The following CCDC93 variants were observed in gnomAD, a reference collection of about 807,000 sequenced individuals.
The protein encoded by CCDC93 is coiled-coil domain-containing protein 93.
A neutral mutation model predicts 108.2 loss-of-function variants in CCDC93; 61 were observed. That is an observed-to-expected ratio of 0.56 (90% CI 0.46 to 0.70). The LOEUF is 0.70. Among genes scored for constraint, CCDC93 ranks in the 30% least tolerant of loss-of-function variants. CCDC93 has a pLI of 0.00. For synonymous variants in CCDC93, 276 were observed against 260.4 expected (o/e 1.06, Z -0.58); for missense variants, 685 against 764.2 (o/e 0.90, Z 1.22).
chr2:118,003,595 C>CA (rs1676776804), intron 3 of CCDC93, among the ~76,000 whole-genome samples: 1 of 152,118 alleles, frequency 6.6e-6, no homozygotes. Flanking sequence ...AGCTTAAAAA[C>CA]AAGAGGCTGG....
chr2:117,984,776 C>T (rs924025387), intron 7 of CCDC93, among the ~76,000 whole-genome samples: 2 of 152,152 alleles, frequency 1.3e-5, no homozygotes, highest in Non-Finnish European at 2.9e-5. Flanking sequence ...CAGAGCTGTG[C>T]AGCCTCACCT....
At position 117,917,335 on chromosome 2, in the gene CCDC93, TGA is replaced by T. The variant is rs2104687686; in HGVS notation, c.*3006_*3007del. 1 of 152,794 alleles carries T rather than the reference TGA, an allele frequency of 6.5e-6. No homozygotes were observed. Among genetic ancestry groups the T allele is most frequent in the South Asian group, 2.1e-4 (1 of 4,818 alleles). The allele number at this position is 152,794 out of a possible 1,614,324, so 9.5% of individuals were successfully genotyped here. ...CTGAGGTCCCGGGCATGGCACTTTGTGAGGTAGTAAAAGGACTGTCTGAAGGT... is the reference window on the plus strand; with the variant it reads ...CTGAGGTCCCGGGCATGGCACTTTGTGGTAGTAAAAGGACTGTCTGAAGGT... On this transcript the variant is annotated 3_prime_UTR_variant, in exon 24 of 24. Coordinates refer to ENST00000376300, the MANE Select transcript of CCDC93 (RefSeq NM_019044.5).
chr2:117,985,419 T>C, intron 7 of CCDC93: 1 of 963,566 alleles, frequency 1.0e-6, no homozygotes, highest in Non-Finnish European at 1.2e-6. Context: ...GAGAAGAGAA[T>C]GCGTGACATA....
intron 6 of CCDC93, among the ~76,000 whole-genome samples, chr2:117,987,241 T>C (rs1485200358): frequency 6.6e-6 from 1 of 152,154 alleles, no homozygotes; most frequent in Non-Finnish European, 1.5e-5. Context: ...GCACATACCA[T>C]CAACCTTACT....
At chr2:117,976,921 G>A (rs935803811) in intron 8 of CCDC93, among the ~76,000 whole-genome samples, 4 of 144,838 alleles carry the variant, frequency 2.8e-5, no homozygotes, top group African/African-American at 7.7e-5. Context: ...ATGAAAAGAG[G>A]TTAATAACCA....
intron 8 of CCDC93, among the ~76,000 whole-genome samples, chr2:117,976,135 T>C (rs1158106519): frequency 1.3e-5 from 2 of 152,246 alleles, no homozygotes. Flanking sequence ...AACGAGTCTA[T>C]CACTGCCCAT....
At chr2:117,935,890 T>C (rs1678505536) in intron 21 of CCDC93, 1 of 231,910 alleles carries the variant, frequency 4.3e-6, no homozygotes, top group African/African-American at 2.2e-5. Context: ...AAAAACATTA[T>C]TTATTTGAAA....
At chr2:117,962,643 A>C (rs1331639224) in intron 11 of CCDC93, among the ~76,000 whole-genome samples, 2 of 152,192 alleles carry the variant, frequency 1.3e-5, no homozygotes, top group Non-Finnish European at 2.9e-5. Flanking sequence ...ACTCTGCCTC[A>C]AATAAATAAA....
chr2:117,968,302 C>A (rs76048241), intron 11 of CCDC93, among the ~76,000 whole-genome samples: 31 of 152,286 alleles, frequency 2.0e-4, no homozygotes, highest in Non-Finnish European at 2.9e-5. Flanking sequence ...TTTGGACAGT[C>A]AGGCATTTCA....
intron 6 of CCDC93, among the ~76,000 whole-genome samples, chr2:117,990,291 AATACCACCT>A (rs1317230860): frequency 6.6e-6 from 1 of 152,216 alleles, no homozygotes; most frequent in African/African-American, 2.4e-5. Flanking sequence ...GTCCTTTGAA[AATACCACCT>A]CCTGTTGGGC....
At chr2:117,998,378 T>C (rs902669370) in intron 4 of CCDC93, 1 of 152,194 alleles carries the variant, frequency 6.6e-6, no homozygotes, top group African/African-American at 2.4e-5. Context: ...GTGAGTTTCA[T>C]CATAGTTAAA....
chr2:117,982,442 C>T (rs1444972529), intron 7 of CCDC93, among the ~76,000 whole-genome samples: 2 of 151,974 alleles, frequency 1.3e-5, no homozygotes, highest in East Asian at 1.9e-4. Flanking sequence ...AAAAATATAC[C>T]CAAACTATGT....
chr2:118,007,197 T>C (rs1461024477), intron 2 of CCDC93, among the ~76,000 whole-genome samples: 2 of 152,256 alleles, frequency 1.3e-5, no homozygotes, highest in Non-Finnish European at 2.9e-5. Flanking sequence ...CTGTGTTTTA[T>C]AGACCAGACA....
intron 1 of CCDC93, among the ~76,000 whole-genome samples, chr2:118,010,794 T>C (rs1047748455): frequency 1.4e-4 from 21 of 152,266 alleles, no homozygotes; most frequent in African/African-American, 5.1e-4. Context: ...CCAAAAACAA[T>C]CAAGACAAGG....
intron 3 of CCDC93, among the ~76,000 whole-genome samples, chr2:118,005,716 C>A (rs1676846647): frequency 7.0e-6 from 1 of 143,500 alleles, no homozygotes; most frequent in Non-Finnish European, 1.5e-5. Flanking sequence ...GGCACCACTG[C>A]ACTCCAGCAT....
chr2:118,002,139 G>A (rs1676718466), intron 3 of CCDC93, among the ~76,000 whole-genome samples: 1 of 152,148 alleles, frequency 6.6e-6, no homozygotes, highest in Non-Finnish European at 1.5e-5. Flanking sequence ...TGTTCTAATA[G>A]ACAAAGGTCC....
intron 6 of CCDC93, among the ~76,000 whole-genome samples, chr2:117,987,820 T>C (rs141957682): frequency 6.6e-6 from 1 of 152,352 alleles, no homozygotes; most frequent in East Asian, 1.9e-4. Flanking sequence ...CTGTCATTAA[T>C]AGTGGTAGCA....
intron 22 of CCDC93, chr2:117,934,614 G>C (rs1678464804): frequency 6.5e-6 from 1 of 153,784 alleles, no homozygotes; most frequent in Admixed American, 6.5e-5. Flanking sequence ...CTCATCTCTT[G>C]TGAGATGAGA....
chr2:117,953,567 C>A (rs969069801), intron 12 of CCDC93, among the ~76,000 whole-genome samples: 4 of 151,988 alleles, frequency 2.6e-5, no homozygotes, highest in Non-Finnish European at 4.4e-5. Context: ...TTAGTGTCTG[C>A]CCCAAATTTG....
Sources: allele counts gnomAD v4.1 joint callset (sites outside exome capture counted in the v4.1 genomes callset), GRCh38; gene constraint gnomAD v4.1.1; transcripts MANE v1.5; gene names NCBI Gene and HGNC (gene_info 2026-07-23, HGNC 2026-07-21).